TMEM120B: variants seen among roughly 807,000 people sequenced by gnomAD.
The protein encoded by TMEM120B is transmembrane protein 120B.
A neutral mutation model predicts 55.5 loss-of-function variants in TMEM120B; 31 were observed. The ratio of observed to expected loss-of-function variants is 0.56; its 90% confidence interval spans 0.42 to 0.75. The LOEUF (loss-of-function observed/expected upper bound fraction) is 0.75, where lower values mean the gene tolerates loss of function less well. Among genes scored for constraint, TMEM120B ranks in the 30% least tolerant of loss-of-function variants. The pLI is 0.00. For missense variants in TMEM120B, 399 were observed against 425.5 expected (o/e 0.94, Z 0.55); for synonymous variants, 203 against 176.3 (o/e 1.15, Z -1.20).
chr12:121,756,154 A>T (rs905767383), intron 5 of TMEM120B, among the ~76,000 whole-genome samples: 7 of 152,184 alleles, frequency 4.6e-5, no homozygotes, highest in Non-Finnish European at 1.0e-4. Context: ...TGGTCTCCAG[A>T]GCCCGTGAAT....
In TMEM120B at chr12:121,779,904, C is replaced by A; in HGVS notation, c.*4182C>A. On this transcript the variant is annotated 3_prime_UTR_variant, in exon 12 of 12. Coordinates refer to ENST00000449592, the MANE Select transcript of TMEM120B (RefSeq NM_001080825.2). ...CCCCACCCTGGCCTCTCTCCAGCTC[C>A]GGGCAGGGAGGGGCTGAATCCTGAG... is the stretch of plus-strand genomic sequence containing the variant. The A allele has an allele frequency of 4.0e-6, 2 of 500,204 alleles. No individual in the cohort carries two copies. The highest frequency in any genetic ancestry group is 7.2e-6 in the Non-Finnish European group (2 of 277,034). 31.0% of individuals were successfully genotyped at this position (500,204 alleles called of 1,614,324 possible).
At chr12:121,758,615 G>A (rs1340614437) in intron 5 of TMEM120B, 7 of 973,246 alleles carry the variant, frequency 7.2e-6, no homozygotes, top group Admixed American at 1.3e-4. Flanking sequence ...GCCCAGCCCC[G>A]CGCTGTGGTC....
At chr12:121,730,313 G>A (rs556726126) in intron 1 of TMEM120B, among the ~76,000 whole-genome samples, 2 of 151,120 alleles carry the variant, frequency 1.3e-5, no homozygotes, top group Non-Finnish European at 2.9e-5. Flanking sequence ...GGTGAGCCTG[G>A]AGCACATTAT....
rs1172725674 is a variant in TMEM120B at position 121,779,946 on chromosome 12, C to G, written c.*4224C>G. ...AATCCTGAGACCCGGGGTTGGTTCC[C>G]CCAGGTGTCTCCCAGGCCTGTGAGA... is the stretch of plus-strand genomic sequence containing the variant. On this transcript the variant is annotated 3_prime_UTR_variant, in exon 12 of 12. Coordinates refer to ENST00000449592, the MANE Select transcript of TMEM120B (RefSeq NM_001080825.2). The G allele has an allele frequency of 3.4e-6, 1 of 291,060 alleles. No individual in the cohort carries two copies. Among genetic ancestry groups the G allele is most frequent in the Non-Finnish European group, 5.9e-6 (1 of 168,496 alleles). The allele number at this position is 291,060 out of a possible 1,614,324, so 18.0% of individuals were successfully genotyped here.
At chr12:121,731,116 G>A (rs1221322351) in intron 1 of TMEM120B, among the ~76,000 whole-genome samples, 1 of 152,120 alleles carries the variant, frequency 6.6e-6, no homozygotes, top group Non-Finnish European at 1.5e-5. Flanking sequence ...TTTCTGTTTG[G>A]CATGGTGAAG....
chr12:121,727,536 C>CAAAAAA (rs758470408), intron 1 of TMEM120B, among the ~76,000 whole-genome samples: 1 of 35,862 alleles, frequency 2.8e-5, no homozygotes, highest in East Asian at 7.5e-4. Context: ...GACCCTGTCT[C>CAAAAAA]AAAAAAAAAA....
Position 121,740,685 on chromosome 12 carries a change from A to T in TMEM120B, c.70-2944A>T, listed in dbSNP as rs530632487. 3.3e-5 allele frequency among the ~76,000 whole-genome samples: 5 copies of T among 152,112 alleles called. No individual in the cohort carries two copies. In the East Asian group the frequency reaches 9.7e-4, roughly 29 times the overall value. Reference sequence around the variant, plus strand: ...TCTCGGGGTGGCAGAGGTGGAAGAAAATCTGTGTATAAGTGGACATGCAGT... The same window carrying T: ...TCTCGGGGTGGCAGAGGTGGAAGAATATCTGTGTATAAGTGGACATGCAGT... On this transcript the variant is annotated intron_variant, in intron 1 of 11. Transcript: ENST00000449592.
rs967258106 is a variant in TMEM120B, at chr12:121,736,371, T to C, written c.70-7258T>C. ...TTTTAGTAGAGACGGGGTTTTACCATGTTAGCCAGGATTGTCTCGATCTCC... is the reference window on the plus strand; with the variant it reads ...TTTTAGTAGAGACGGGGTTTTACCACGTTAGCCAGGATTGTCTCGATCTCC... On this transcript the variant is annotated intron_variant, in intron 1 of 11. Transcript: ENST00000449592. Among the ~76,000 whole-genome samples the C allele has an allele frequency of 1.5e-4, 23 of 150,546 alleles. No individual in the cohort carries two copies. In the East Asian group the frequency reaches 4.0e-3, roughly 26 times the overall value.
At chr12:121,761,613 G>C (rs763725635) in intron 5 of TMEM120B, 36 bp from the exon 6 acceptor site, 7 of 1,554,108 alleles carry the variant, frequency 4.5e-6, no homozygotes, top group Non-Finnish European at 6.2e-6. Flanking sequence ...TGGTTCTCAC[G>C]CCCGCACCCC....
intron 1 of TMEM120B, among the ~76,000 whole-genome samples, chr12:121,723,333 A>G (rs1286596779): frequency 3.9e-5 from 6 of 151,942 alleles, no homozygotes; most frequent in Non-Finnish European, 2.9e-5. Flanking sequence ...GTGCTCAGCT[A>G]ATGTTCTAAT....
rs1489954871 is a variant in TMEM120B at position 121,712,941 on chromosome 12, G to A, written c.46G>A (p.Glu16Lys). The A allele has an allele frequency of 6.5e-7, 1 of 1,544,308 alleles. No homozygotes were observed. Among genetic ancestry groups the A allele is most frequent in the Non-Finnish European group, 8.7e-7 (1 of 1,151,392 alleles). ...TTGCGAGCGCGAATGGCACGAGCTGGAGGGAGAATTTCAAGAACTGCAGGT... is the reference window on the plus strand; with the variant it reads ...TTGCGAGCGCGAATGGCACGAGCTGAAGGGAGAATTTCAAGAACTGCAGGT... Reference protein sequence around the residue: ...ERCEREWHELEGEFQELQETH... With the variant: ...ERCEREWHELKGEFQELQETH... Residue 16 changes from glutamate to lysine, a missense_variant, in exon 1 of 12, where the codon GAG becomes AAG. Transcript: ENST00000449592.
At chr12:121,742,762 G>A (rs993552232) in intron 1 of TMEM120B, among the ~76,000 whole-genome samples, 1 of 152,028 alleles carries the variant, frequency 6.6e-6, no homozygotes, top group Non-Finnish European at 1.5e-5. Flanking sequence ...ATTTTTAGTA[G>A]AGACGGGGTT....
intron 1 of TMEM120B, among the ~76,000 whole-genome samples, chr12:121,725,605 C>T (rs1273518187): frequency 6.6e-6 from 1 of 152,058 alleles, no homozygotes; most frequent in Non-Finnish European, 1.5e-5. Flanking sequence ...TGTATCTGGG[C>T]CACATTTTTA....
chr12:121,751,099 CA>C (rs1592938594), intron 4 of TMEM120B, among the ~76,000 whole-genome samples: 12 of 131,230 alleles, frequency 9.1e-5, no homozygotes, highest in South Asian at 2.6e-4. Context: ...CTACACCCCA[CA>C]CCCACACCCC....
rs34271702 is a variant in TMEM120B, at chr12:121,722,848, C to CTT, written c.69+9900_69+9901dup. On this transcript the variant is annotated intron_variant, in intron 1 of 11. Coordinates refer to ENST00000449592, the MANE Select transcript of TMEM120B (RefSeq NM_001080825.2). ...AGGTGTGGGCAGTTTTTTAAATTTA[C>CTT]TTTTTTTTTTTTTTTTTGAGATGGA... 3.6e-3 allele frequency among the ~76,000 whole-genome samples: 481 copies of CTT among 133,064 alleles called. 4 individuals carry two copies. Among genetic ancestry groups the CTT allele is most frequent in the East Asian group, 0.012 (57 of 4,562 alleles). The allele number at this position is 133,064 out of a possible 152,430, so 87.3% of individuals were successfully genotyped here.
intron 1 of TMEM120B, among the ~76,000 whole-genome samples, chr12:121,717,325 GA>G (rs2136958625): frequency 6.6e-6 from 1 of 152,334 alleles, no homozygotes; most frequent in South Asian, 2.1e-4. Flanking sequence ...CAAGGGCCTT[GA>G]AGGCCATGGT....
intron 6 of TMEM120B, among the ~76,000 whole-genome samples, chr12:121,765,057 GA>G (rs1180055822): frequency 6.6e-6 from 1 of 151,834 alleles, no homozygotes; most frequent in African/African-American, 2.4e-5. Context: ...CTGAACTAAG[GA>G]CTCCAAGATA....
chr12:121,743,566 A>G, intron 1 of TMEM120B, 63 bp from the exon 2 acceptor site: 4 of 1,315,574 alleles, frequency 3.0e-6, no homozygotes, highest in South Asian at 2.5e-5. Flanking sequence ...AAAAAAAAAA[A>G]GAAAAGAAAA....
chr12:121,764,573 G>A (rs1305552979), intron 6 of TMEM120B, among the ~76,000 whole-genome samples: 1 of 152,120 alleles, frequency 6.6e-6, no homozygotes, highest in East Asian at 1.9e-4. Context: ...TAGCTACTCA[G>A]GAGGCTGAGG....
Sources: allele counts gnomAD v4.1 joint callset (sites outside exome capture counted in the v4.1 genomes callset), GRCh38; gene constraint gnomAD v4.1.1; transcripts MANE v1.5; gene names NCBI Gene and HGNC (gene_info 2026-07-23, HGNC 2026-07-21).